NCOA2: variants seen among roughly 807,000 people sequenced by gnomAD.
NCOA2 encodes nuclear receptor coactivator 2.
Under a neutral mutation model 145.1 loss-of-function variants are expected in NCOA2, and 21 were observed. That is an observed-to-expected ratio of 0.14 (90% CI 0.10 to 0.21). The LOEUF (loss-of-function observed/expected upper bound fraction) is 0.21, where lower values mean the gene tolerates loss of function less well. Among genes scored for constraint, NCOA2 ranks in the 10% least tolerant of loss-of-function variants. The probability of loss-of-function intolerance (pLI) is 1.00; values close to 1 mark genes in which losing one functional copy is unlikely to be tolerated. For synonymous variants in NCOA2, 619 were observed against 637.5 expected, an observed-to-expected ratio of 0.97 and a Z score of 0.44; for missense variants, 1,472 against 1,837.6, an observed-to-expected ratio of 0.80 and a Z score of 3.64.
At chr8:70,322,401 CT>C (rs772925466) in intron 1 of NCOA2, among the ~76,000 whole-genome samples, 5 of 152,040 alleles carry the variant, frequency 3.3e-5, no homozygotes, top group Non-Finnish European at 7.4e-5. Context: ...CTACAGAAAA[CT>C]GTAGATTTCT....
chr8:70,221,715 T>C (rs1214089490), intron 2 of NCOA2, among the ~76,000 whole-genome samples: 6 of 152,340 alleles, frequency 3.9e-5, no homozygotes, highest in South Asian at 2.1e-4. Flanking sequence ...ATAAATATTC[T>C]ATGCAGGAAA....
intron 3 of NCOA2, among the ~76,000 whole-genome samples, chr8:70,215,038 C>T (rs1420173041): frequency 6.6e-6 from 1 of 152,006 alleles, no homozygotes; most frequent in African/African-American, 2.4e-5. Flanking sequence ...TACTATAATA[C>T]AATGTCTCTA....
intron 2 of NCOA2, among the ~76,000 whole-genome samples, chr8:70,289,367 T>C (rs1387109498): frequency 6.6e-6 from 1 of 152,246 alleles, no homozygotes; most frequent in African/African-American, 2.4e-5. Context: ...TAGTCTTTTA[T>C]AGTCTAGGTA....
At chr8:70,441,049 A>G in the NCOA2 span, among the ~76,000 whole-genome samples, 1 of 33,376 alleles carries the variant, frequency 3.0e-5, no homozygotes, top group African/African-American at 5.6e-5. Context: ...AAAGAGAAAG[A>G]AAAGAAAGAG....
intron 4 of NCOA2, among the ~76,000 whole-genome samples, chr8:70,175,618 A>T (rs7011161): frequency 0.011 from 1,731 of 152,358 alleles, 43 homozygotes; most frequent in African/African-American, 0.04. Context: ...AGCTCACAGA[A>T]GAAAAAGATG....
At chr8:70,389,402 T>C (rs2131588926) in intron 1 of NCOA2, among the ~76,000 whole-genome samples, 1 of 151,954 alleles carries the variant, frequency 6.6e-6, no homozygotes, top group South Asian at 2.1e-4. Flanking sequence ...TGCCTCAGCC[T>C]CCGGAGTAGC....
chr8:70,150,549 G>A (rs1018636681), intron 11 of NCOA2, among the ~76,000 whole-genome samples: 1 of 152,132 alleles, frequency 6.6e-6, no homozygotes, highest in Non-Finnish European at 1.5e-5. Context: ...ACTACGGCAG[G>A]TATTCATTGA....
chr8:70,261,586 T>TATAATA (rs575587018), intron 2 of NCOA2, among the ~76,000 whole-genome samples: 31 of 151,062 alleles, frequency 2.1e-4, no homozygotes, highest in Non-Finnish European at 2.2e-4. Flanking sequence ...AAACTTAAAG[T>TATAATA]ATAATAATAA....
At chr8:70,440,779 G>C in the NCOA2 span, among the ~76,000 whole-genome samples, 1 of 147,026 alleles carries the variant, frequency 6.8e-6, no homozygotes, top group Non-Finnish European at 1.5e-5. Flanking sequence ...AGGAAAGAAA[G>C]AAAAGAAGAA....
intron 1 of NCOA2, among the ~76,000 whole-genome samples, chr8:70,385,291 A>G (rs1812560787): frequency 1.3e-5 from 2 of 152,222 alleles, no homozygotes; most frequent in Admixed American, 6.5e-5. Context: ...TGACAATAAC[A>G]ACAGCGAACA....
intron 4 of NCOA2, among the ~76,000 whole-genome samples, chr8:70,187,029 G>A: frequency 6.6e-6 from 1 of 152,190 alleles, no homozygotes; most frequent in East Asian, 1.9e-4. Context: ...AGGCATGGCA[G>A]TGAATCATCA....
intron 1 of NCOA2, among the ~76,000 whole-genome samples, chr8:70,379,693 T>C (rs1247821975): frequency 1.3e-5 from 2 of 152,144 alleles, no homozygotes; most frequent in Non-Finnish European, 2.9e-5. Flanking sequence ...ATATATTACA[T>C]ATTAAGATAA....
chr8:70,295,704 G>A (rs1013436425), intron 2 of NCOA2, among the ~76,000 whole-genome samples: 5 of 152,144 alleles, frequency 3.3e-5, no homozygotes, highest in African/African-American at 1.2e-4. Context: ...CACTTTGGGA[G>A]GCCGAGGCAG....
At chr8:70,171,796 AG>A (rs141461572) in intron 5 of NCOA2, among the ~76,000 whole-genome samples, 8,156 of 151,112 alleles carry the variant, frequency 0.054, 726 homozygotes, top group African/African-American at 0.19. Context: ...CTGAGTAGCT[AG>A]GATCACAGGT....
chr8:70,407,322 AT>A (rs1197626969), upstream of NCOA2, among the ~76,000 whole-genome samples: 3 of 152,192 alleles, frequency 2.0e-5, no homozygotes, highest in African/African-American at 7.2e-5. Flanking sequence ...TATTACATAA[AT>A]TTTTTCCTTA....
intron 4 of NCOA2, among the ~76,000 whole-genome samples, chr8:70,196,934 T>A (rs908724279): frequency 1.3e-5 from 2 of 152,210 alleles, no homozygotes; most frequent in Non-Finnish European, 2.9e-5. Flanking sequence ...TGTTTTTGTG[T>A]ATCAGTTTCC....
chr8:70,418,449 A>G, the NCOA2 span, among the ~76,000 whole-genome samples: 1 of 152,356 alleles, frequency 6.6e-6, no homozygotes, highest in South Asian at 2.1e-4. Context: ...TGTGGATACC[A>G]GTCAGCCTCC....
At chr8:70,241,292 C>T (rs1215091236) in intron 2 of NCOA2, among the ~76,000 whole-genome samples, 2 of 152,104 alleles carry the variant, frequency 1.3e-5, no homozygotes, top group Non-Finnish European at 2.9e-5. Context: ...CAAAGCTTCT[C>T]CCCACCCAGT....
the NCOA2 span, among the ~76,000 whole-genome samples, chr8:70,433,701 C>A: frequency 1.3e-5 from 2 of 152,124 alleles, no homozygotes; most frequent in Non-Finnish European, 2.9e-5. Flanking sequence ...GAGTAAAGAT[C>A]TGAGAAATGT....
Sources: allele counts gnomAD v4.1 joint callset (sites outside exome capture counted in the v4.1 genomes callset), GRCh38; gene constraint gnomAD v4.1.1; transcripts MANE v1.5; gene names NCBI Gene and HGNC (gene_info 2026-07-23, HGNC 2026-07-21).